The following MLIP variants were observed in gnomAD, a reference collection of about 807,000 sequenced individuals.
MLIP encodes the protein muscular LMNA interacting protein.
In MLIP, 79 loss-of-function variants were observed where a neutral mutation model predicts 84.8. The observed-to-expected ratio is 0.93, with a 90% CI of 0.78 to 1.12. The LOEUF (loss-of-function observed/expected upper bound fraction) is 1.12, where lower values mean the gene tolerates loss of function less well. Among genes scored for constraint, MLIP ranks in the 50% most tolerant of loss-of-function variants. The pLI, the probability that MLIP is intolerant of heterozygous loss-of-function variation, is 0.00. For synonymous variants in MLIP, 504 were observed against 463.0 expected, an observed-to-expected ratio of 1.09 and a Z score of -1.14; for missense variants, 1,257 against 1,160.6, an observed-to-expected ratio of 1.08 and a Z score of -1.21.
rs1434698466 is a variant in MLIP, at chr6:54,036,794, T to C, written c.63+17703T>C. On this transcript the variant is annotated intron_variant, in intron 1 of 12. Transcript: ENST00000274897. ...AAGAGATACCTGCATTCCATGTTCA[T>C]TGTGACATTATTCACAATAGCCAAG... Among the ~76,000 whole-genome samples the C allele has an allele frequency of 2.0e-5, 3 of 152,032 alleles. No homozygotes were observed. In the East Asian group the frequency reaches 5.8e-4, roughly 29 times the overall value.
intron 1 of MLIP, among the ~76,000 whole-genome samples, chr6:54,093,682 A>G (rs943789473): frequency 2.0e-5 from 3 of 152,220 alleles, no homozygotes; most frequent in Non-Finnish European, 4.4e-5. Context: ...ATTGGAAATC[A>G]GGAGACAACT....
Position 54,230,873 on chromosome 6 carries a change from C to A in MLIP, c.2878C>A (p.Gln960Lys), listed in dbSNP as rs763617232. 6.2e-7 allele frequency: 1 copy of A among 1,613,992 alleles called. No homozygotes were observed. Among genetic ancestry groups the A allele is most frequent in the Non-Finnish European group, 8.5e-7 (1 of 1,179,948 alleles). Residue 960 changes from glutamine to lysine, a missense_variant, in exon 12 of 14, where the codon CAG (glutamine) becomes AAG (lysine). Coordinates refer to ENST00000502396, the MANE Select transcript of MLIP (RefSeq NM_001281747.2). ...TCTGTCCTTCTCCTTGAGTGATGAA[C>A]AGGAGAATTCTCACACCCTCCTCAG... is the stretch of plus-strand genomic sequence containing the variant. ...SHLSFSLSDE[Q>K]ENSHTLLSHN... is the part of the protein sequence containing the mutation.
rs760077515 is a variant in MLIP, at chr6:54,124,841, G to A, written c.621G>A (p.Met207Ile). The A allele has an allele frequency of 3.1e-6, 5 of 1,600,718 alleles. No homozygotes were observed. The highest frequency in any genetic ancestry group is 3.4e-6 in the Non-Finnish European group (4 of 1,173,038). Residue 207 changes from methionine (M) to isoleucine (I), a missense_variant, in exon 3 of 14, where the codon ATG (methionine) becomes ATA (isoleucine). By Grantham distance (10) the Met-to-Ile change is conservative. Transcript: ENST00000502396. ...TSSHPEMLHGMAPQQKHGQLT... is the reference protein window; with the variant it reads ...TSSHPEMLHGIAPQQKHGQLT... ...CACATCCTGAAATGCTTCATGGGATGGCCCCTCAGCAAAAGCATGGGCAGG... is the reference window on the plus strand; with the variant it reads ...CACATCCTGAAATGCTTCATGGGATAGCCCCTCAGCAAAAGCATGGGCAGG...
Position 54,169,540 on chromosome 6 carries a change from C to G in MLIP, c.2512C>G (p.Leu838Val). The change falls in exon 9 of 14, where the codon CTT (leucine) becomes GTT (valine). Residue 838 changes from leucine (L) to valine (V), a missense_variant. Leu to Val is a conservative substitution (Grantham distance 32). Transcript: ENST00000502396. ...TATTTTCATACAGACTCCTACAACT[C>G]TTCCAAGAGCAGCTGGTCGAGAAAC... ...GSDTVKTPTTLPRAAGRETKY... is the reference protein window; with the variant it reads ...GSDTVKTPTTVPRAAGRETKY... The G allele has an allele frequency of 6.3e-7, 1 of 1,591,860 alleles. No individual in the cohort carries two copies. Among genetic ancestry groups the G allele is most frequent in the East Asian group, 2.3e-5 (1 of 44,112 alleles).
intron 11 of MLIP, among the ~76,000 whole-genome samples, chr6:54,224,115 G>C (rs928221822): frequency 3.3e-5 from 5 of 151,832 alleles, no homozygotes; most frequent in Non-Finnish European, 7.4e-5. Context: ...TATAGCATTA[G>C]AAAACGATAA....
intron 11 of MLIP, chr6:54,215,398 C>A: frequency 7.8e-7 from 1 of 1,286,628 alleles, no homozygotes; most frequent in South Asian, 2.5e-5. Context: ...CTAATGGAAC[C>A]CATACTAATA....
intron 11 of MLIP, among the ~76,000 whole-genome samples, chr6:54,210,981 G>A (rs1779411657): frequency 6.6e-6 from 1 of 152,176 alleles, no homozygotes; most frequent in Non-Finnish European, 1.5e-5. Flanking sequence ...GCTCAGGCCT[G>A]TAATCCCAGC....
chr6:54,230,830 C>A lies in MLIP; in HGVS notation c.2835C>A (p.Ala945=). Residue 945 remains alanine, a synonymous_variant, in exon 12 of 14, where the codon GCC becomes GCA. Coordinates refer to ENST00000502396, the MANE Select transcript of MLIP (RefSeq NM_001281747.2). The part of the protein sequence containing the change: ...PQTLSHADCL[A]PGPFSHLSFS... The stretch of plus-strand genomic sequence containing the variant: ...CCCTCTCACATGCTGACTGTCTTGC[C>A]CCAGGACCCTTCAGTCATCTGTCCT... 1 of 1,614,024 alleles carries A rather than the reference C, an allele frequency of 6.2e-7. No individual in the cohort carries two copies. Among genetic ancestry groups the A allele is most frequent in the Non-Finnish European group, 8.5e-7 (1 of 1,179,988 alleles).
chr6:54,230,791 G>C lies in MLIP; in HGVS notation c.2796G>C (p.Leu932=). Residue 932 remains leucine (L), a synonymous_variant, in exon 12 of 14, where the codon CTG becomes CTC. Coordinates refer to ENST00000502396, the MANE Select transcript of MLIP (RefSeq NM_001281747.2). ...QTKLYPPAKS[L]LHPQTLSHAD... ...AACTCTATCCTCCTGCTAAGTCACT[G>C]CTGCATCCACAGACCCTCTCACATG... The C allele has an allele frequency of 6.2e-7, 1 of 1,613,966 alleles. No homozygotes were observed. Among genetic ancestry groups the C allele is most frequent in the South Asian group, 1.1e-5 (1 of 91,076 alleles).
intron 4 of MLIP, among the ~76,000 whole-genome samples, chr6:54,147,089 A>G (rs1772924424): frequency 1.3e-5 from 2 of 152,174 alleles, no homozygotes; most frequent in Admixed American, 6.6e-5. Context: ...AGATATTGTT[A>G]TTATGATTGC....
At chr6:54,060,575 C>G (rs1765908409) in intron 1 of MLIP, among the ~76,000 whole-genome samples, 1 of 152,182 alleles carries the variant, frequency 6.6e-6, no homozygotes, top group Non-Finnish European at 1.5e-5. Flanking sequence ...ACCACACTAT[C>G]TCATTTACTG....
intron 4 of MLIP, among the ~76,000 whole-genome samples, chr6:54,146,629 CA>C (rs1561981736): frequency 6.6e-6 from 1 of 152,192 alleles, no homozygotes; most frequent in Non-Finnish European, 1.5e-5. Flanking sequence ...AGCAAGTGTT[CA>C]TTTGGCTACT....
chr6:54,094,424 C>T (rs1341258844), intron 1 of MLIP, among the ~76,000 whole-genome samples: 1 of 152,104 alleles, frequency 6.6e-6, no homozygotes, highest in Non-Finnish European at 1.5e-5. Flanking sequence ...TGGACAACTG[C>T]TTTGCAAATA....
chr6:54,265,851 G>A (rs1783655640), intron 13 of MLIP, 99 bp from the exon 14 acceptor site: 1 of 1,102,890 alleles, frequency 9.1e-7, no homozygotes, highest in Non-Finnish European at 1.3e-6. Context: ...CCATTTTTTT[G>A]TAGGAGATGC....
At chr6:54,080,057 G>T (rs907040921) in intron 1 of MLIP, among the ~76,000 whole-genome samples, 2 of 152,236 alleles carry the variant, frequency 1.3e-5, no homozygotes, top group South Asian at 4.1e-4. Flanking sequence ...CAGCAGTGGG[G>T]CTTTTTCACC....
At chr6:54,099,036 A>G (rs903560595) in intron 1 of MLIP, among the ~76,000 whole-genome samples, 3 of 152,180 alleles carry the variant, frequency 2.0e-5, no homozygotes, top group Admixed American at 6.5e-5. Context: ...CTTTGCAAAA[A>G]TCCACATTTA....
chr6:54,229,376 T>A (rs1780819452), intron 11 of MLIP, among the ~76,000 whole-genome samples: 2 of 152,304 alleles, frequency 1.3e-5, no homozygotes, highest in East Asian at 3.9e-4. Context: ...TTCTTCAACT[T>A]TTAAGTTCCA....
At chr6:54,150,731 T>C (rs1345054947) in intron 5 of MLIP, among the ~76,000 whole-genome samples, 3 of 152,222 alleles carry the variant, frequency 2.0e-5, no homozygotes, top group African/African-American at 4.8e-5. Flanking sequence ...TAAGACTAGA[T>C]GTCAGTACTG....
intron 12 of MLIP, among the ~76,000 whole-genome samples, chr6:54,232,780 C>T (rs989904085): frequency 2.0e-5 from 3 of 152,154 alleles, no homozygotes; most frequent in Non-Finnish European, 4.4e-5. Flanking sequence ...AACATGATTC[C>T]CAAGTCTGAC....
Sources: gnomAD v4.1 joint callset for allele counts (sites outside exome capture counted in the v4.1 genomes callset) on GRCh38, gnomAD v4.1.1 for gene constraint, MANE v1.5 for transcripts, NCBI Gene and HGNC (gene_info 2026-07-23, HGNC 2026-07-21) for gene names.